DBF4B: variants seen among roughly 807,000 people sequenced by gnomAD.
DBF4B encodes protein DBF4 homolog B.
A neutral mutation model predicts 53.4 loss-of-function variants in DBF4B; 49 were observed. The observed-to-expected ratio is 0.92, with a 90% CI of 0.73 to 1.16. The LOEUF is 1.16. Among genes scored for constraint, DBF4B ranks in the 50% most tolerant of loss-of-function variants. DBF4B has a pLI of 0.00. For missense variants in DBF4B, 692 were observed against 775.0 expected (o/e 0.89, Z 1.27); for synonymous variants, 257 against 288.7 (o/e 0.89, Z 1.11).
chr17:44,742,393 G>C (rs1976145067), intron 10 of DBF4B, among the ~76,000 whole-genome samples: 1 of 143,892 alleles, frequency 6.9e-6, no homozygotes, highest in African/African-American at 2.6e-5. Flanking sequence ...CTGGGTGATA[G>C]AGCGAGACTC....
Position 44,749,568 on chromosome 17 carries a change from G to A in DBF4B, c.1190-1027G>A, listed in dbSNP as rs1191128711. On this transcript the variant is annotated intron_variant, in intron 13 of 13. Coordinates refer to ENST00000315005, the MANE Select transcript of DBF4B (RefSeq NM_145663.3). This position sits in a 1 kb window ranked among gnomAD's most constrained non-coding sequence, Gnocchi z 4.4. ...CCTCCCACTGGCCAGGTCTTTGGGA[G>A]AGAATCTGGGCTGGGGGCTGCCCTC... 15 of 1,206,636 alleles carry A rather than the reference G, an allele frequency of 1.2e-5. No homozygotes were observed. The South Asian group carries it at 2.1e-4, about 17-fold the overall frequency. 74.7% of individuals were successfully genotyped at this position (1,206,636 alleles called of 1,614,324 possible). A position where few individuals can be genotyped will look rare whatever the true frequency, so the allele number is the denominator to read the frequency against.
chr17:44,738,328 C>A, intron 8 of DBF4B, 51 bp from the exon 9 acceptor site: 1 of 1,581,660 alleles, frequency 6.3e-7, no homozygotes, highest in Non-Finnish European at 8.6e-7. Context: ...GTGGTGCAGG[C>A]CCTGCACAGG....
chr17:44,720,416 A>G (rs1294446110), intron 2 of DBF4B: 2 of 231,454 alleles, frequency 8.6e-6, no homozygotes, highest in Admixed American at 9.1e-5. Flanking sequence ...TGGAATACAT[A>G]GCAGATCGGG....
At chr17:44,713,517 G>A (rs976089964) in intron 2 of DBF4B, among the ~76,000 whole-genome samples, 2 of 151,858 alleles carry the variant, frequency 1.3e-5, no homozygotes, top group African/African-American at 2.4e-5. Context: ...GTAGGATGTC[G>A]TGCACGCTTG....
At chr17:44,720,155 G>T in intron 2 of DBF4B, 1 of 335,510 alleles carries the variant, frequency 3.0e-6, no homozygotes, top group South Asian at 3.0e-5. Flanking sequence ...GTGATGATCA[G>T]AATCGTCCTG....
chr17:44,741,972 CA>C (rs1976077833), intron 10 of DBF4B, among the ~76,000 whole-genome samples: 1 of 152,040 alleles, frequency 6.6e-6, no homozygotes, highest in African/African-American at 2.4e-5. Context: ...TCTAGCTGGG[CA>C]CAGTGGCTGA....
At chr17:44,733,879 C>T (rs958174786) in intron 6 of DBF4B, 4 of 571,148 alleles carry the variant, frequency 7.0e-6, no homozygotes, top group Non-Finnish European at 1.3e-5. Context: ...GCATGACACC[C>T]GCTCAGGTGC....
chr17:44,720,347 CTTTTT>C (rs1218327158), intron 2 of DBF4B: 1 of 213,728 alleles, frequency 4.7e-6, no homozygotes, highest in African/African-American at 2.4e-5. Flanking sequence ...CAAGAAACTT[CTTTTT>C]CTTTTCAACC....
At chr17:44,711,261 G>A (rs1299231799) in intron 2 of DBF4B, among the ~76,000 whole-genome samples, 1 of 151,966 alleles carries the variant, frequency 6.6e-6, no homozygotes, top group African/African-American at 2.4e-5. Context: ...TGGGATTATA[G>A]GCGTGAGCCA....
chr17:44,708,669 T>G lies in DBF4B; in HGVS notation c.-152T>G. 1 of 887,272 alleles carries G rather than the reference T, an allele frequency of 1.1e-6. No homozygotes were observed. 55.0% of individuals were successfully genotyped at this position (887,272 alleles called of 1,614,324 possible). A position where few individuals can be genotyped will look rare whatever the true frequency, so the allele number is the denominator to read the frequency against. Reference sequence around the variant, plus strand: ...GGTGGAGCCGGCAGGAAATTTAAACTGAAGCCGCGGCCGAAAACGCCAAGA... The same window carrying G: ...GGTGGAGCCGGCAGGAAATTTAAACGGAAGCCGCGGCCGAAAACGCCAAGA... On this transcript the variant is annotated 5_prime_UTR_variant, in exon 1 of 14. Coordinates refer to ENST00000315005, the MANE Select transcript of DBF4B (RefSeq NM_145663.3).
intron 2 of DBF4B, among the ~76,000 whole-genome samples, chr17:44,712,387 C>G (rs1345879170): frequency 6.8e-6 from 1 of 146,268 alleles, no homozygotes; most frequent in Non-Finnish European, 1.5e-5. Flanking sequence ...TCACTGCAAC[C>G]TCTGCCTCCT....
chr17:44,728,309 C>T (rs1287662988), intron 3 of DBF4B, among the ~76,000 whole-genome samples: 1 of 152,132 alleles, frequency 6.6e-6, no homozygotes, highest in Non-Finnish European at 1.5e-5. Flanking sequence ...ATCATAATTT[C>T]CACATGTTCT....
chr17:44,750,804 T>A lies in DBF4B; in HGVS notation c.1399T>A (p.Trp467Arg). Residue 467 changes from tryptophan to arginine, a missense_variant, in exon 14 of 14, where the codon TGG (tryptophan) becomes AGG (arginine). Around this residue, in one of 3 missense-constraint regions of DBF4B, gnomAD observed 597 missense variants for 665.8 expected, o/e 0.90. Coordinates refer to ENST00000315005, the MANE Select transcript of DBF4B (RefSeq NM_145663.3). ...TTCCTTGGCTCTGCTGCCTGGGGAGTGGTCGCCTGCAGAGGACATGCCCCT... is the reference window on the plus strand; with the variant it reads ...TTCCTTGGCTCTGCTGCCTGGGGAGAGGTCGCCTGCAGAGGACATGCCCCT... ...VTSLALLPGE[W>R]SPAEDMPLHP... 6.2e-7 allele frequency: 1 copy of A among 1,614,108 alleles called. No individual in the cohort carries two copies.
At chr17:44,717,657 C>T (rs372320082) in intron 2 of DBF4B, among the ~76,000 whole-genome samples, 2 of 147,654 alleles carry the variant, frequency 1.4e-5, no homozygotes, top group African/African-American at 2.5e-5. Flanking sequence ...TGGACTGAGC[C>T]GAGATCGTGC....
intron 10 of DBF4B, 88 bp from the exon 11 acceptor site, chr17:44,746,995 C>A: frequency 7.8e-7 from 1 of 1,282,782 alleles, no homozygotes; most frequent in Non-Finnish European, 1.1e-6. Context: ...CTTCCCCTCC[C>A]TGACCTAGGC....
chr17:44,719,986 C>T (rs566120963), intron 2 of DBF4B: 15 of 208,414 alleles, frequency 7.2e-5, no homozygotes, highest in African/African-American at 1.2e-4. Flanking sequence ...ACCAGTAAGA[C>T]GTTTTGCAAT....
At position 44,730,004 on chromosome 17, in the gene DBF4B, A is replaced by T; in HGVS notation, c.325A>T (p.Ser109Cys). 6.2e-7 allele frequency: 1 copy of T among 1,613,832 alleles called. No individual in the cohort carries two copies. The highest frequency in any genetic ancestry group is 8.5e-7 in the Non-Finnish European group (1 of 1,180,028). The change falls in exon 4 of 14, where the codon AGC becomes TGC. Residue 109 changes from serine to cysteine, a missense_variant. By Grantham distance (112) the Ser-to-Cys change is moderately radical. Transcript: ENST00000315005. ...TGGGAAAAGCCATAGAGGCTGCCCTAGCCCTAGCCCCAGTGAGGTCAGAGT... is the reference window on the plus strand; with the variant it reads ...TGGGAAAAGCCATAGAGGCTGCCCTTGCCCTAGCCCCAGTGAGGTCAGAGT... ...SSGKSHRGCP[S>C]PSPSEVRVET... is the part of the protein sequence containing the mutation.
intron 2 of DBF4B, chr17:44,719,891 G>A (rs546846279): frequency 9.3e-5 from 20 of 214,318 alleles, no homozygotes; most frequent in African/African-American, 1.7e-4. Context: ...TAAGTCTTGC[G>A]CTGCTCTGTA....
rs1224636530 is a variant in DBF4B, at chr17:44,751,204, C to T, written c.1799C>T (p.Thr600Ile). ...LCQAKPQGWN[T>I]PQPFLHCGFL... is the part of the protein sequence containing the mutation. Reference sequence around the variant, plus strand: ...CAGGCCAAACCCCAAGGCTGGAACACTCCTCAGCCATTTCTCCATTGCGGC... The same window carrying T: ...CAGGCCAAACCCCAAGGCTGGAACATTCCTCAGCCATTTCTCCATTGCGGC... Residue 600 changes from threonine (T) to isoleucine (I), a missense_variant, in exon 14 of 14, where the codon ACT (threonine) becomes ATT (isoleucine). Thr to Ile is a moderately conservative substitution (Grantham distance 89, BLOSUM62 -1). Transcript: ENST00000315005. 6.2e-7 allele frequency: 1 copy of T among 1,614,064 alleles called. No individual in the cohort carries two copies. Among genetic ancestry groups the T allele is most frequent in the Non-Finnish European group, 8.5e-7 (1 of 1,180,004 alleles).
Sources: allele counts gnomAD v4.1 joint callset (sites outside exome capture counted in the v4.1 genomes callset), GRCh38; gene constraint gnomAD v4.1.1; regional missense constraint gnomAD v4.1.1; non-coding constraint Gnocchi (gnomAD v3.1); transcripts MANE v1.5; gene names NCBI Gene and HGNC (gene_info 2026-07-23, HGNC 2026-07-21).